Variants in DENND1A observed in about 807,000 individuals in gnomAD.
The protein encoded by DENND1A is DENN domain containing 1A.
A neutral mutation model predicts 113.7 loss-of-function variants in DENND1A; 51 were observed. The observed-to-expected ratio is 0.45, with a 90% CI of 0.36 to 0.57. The LOEUF (loss-of-function observed/expected upper bound fraction) is 0.57. DENND1A is among the 20% of genes least tolerant of loss of function. DENND1A has a pLI of 0.00. For missense variants in DENND1A, 1,258 were observed against 1,395.9 expected, an observed-to-expected ratio of 0.90 and a Z score of 1.57; for synonymous variants, 565 against 570.8, an observed-to-expected ratio of 0.99 and a Z score of 0.14.
At chr9:123,851,651 T>C (rs1219512912) in intron 2 of DENND1A, among the ~76,000 whole-genome samples, 1 of 152,130 alleles carries the variant, frequency 6.6e-6, no homozygotes, top group Non-Finnish European at 1.5e-5. Context: ...AAAACCAAAG[T>C]AGAAAAGGCG....
intron 3 of DENND1A, among the ~76,000 whole-genome samples, chr9:123,775,692 AT>A (rs1278611219): frequency 6.6e-6 from 1 of 152,148 alleles, no homozygotes; most frequent in African/African-American, 2.4e-5. Context: ...AAGTCCTTGA[AT>A]TTTTTAAACT....
rs2042305235 is a variant in DENND1A at position 123,382,107 on chromosome 9, G to A, written c.2538C>T (p.Leu846=). 2 of 1,564,658 alleles carry A rather than the reference G, an allele frequency of 1.3e-6. No homozygotes were observed. The highest frequency in any genetic ancestry group is 1.9e-5 in the Admixed American group (1 of 54,016). Residue 846 remains leucine, a synonymous_variant, in exon 24 of 24, where the codon CTC becomes CTT. Coordinates refer to ENST00000394215, the MANE Select transcript of DENND1A (RefSeq NM_001352964.2). The part of the protein sequence containing the change: ...AGTSSDALLA[L]LDPLSTAWSG... ...ACCAGGCTGTGCTGAGCGGGTCCAGGAGGGCGAGCAGGGCGTCACTGCTCG... is the reference window on the plus strand; with the variant it reads ...ACCAGGCTGTGCTGAGCGGGTCCAGAAGGGCGAGCAGGGCGTCACTGCTCG...
Position 123,499,003 on chromosome 9 carries a change from A to G in DENND1A, c.994-41106T>C, listed in dbSNP as rs1332305938. On this transcript the variant is annotated intron_variant, in intron 13 of 23. Coordinates refer to ENST00000394215, the MANE Select transcript of DENND1A (RefSeq NM_001352964.2). ...CTCCTAAAGTGCTGGGATTACAGGC[A>G]TGAGCCACTGTGCCCCGCCTTTTTA... Among the ~76,000 whole-genome samples the G allele has an allele frequency of 4.0e-5, 6 of 149,264 alleles. No homozygotes were observed. In the East Asian group the frequency reaches 6.0e-4, roughly 15 times the overall value.
intron 19 of DENND1A, among the ~76,000 whole-genome samples, chr9:123,431,207 G>T (rs2046108137): frequency 6.6e-6 from 1 of 152,100 alleles, no homozygotes; most frequent in Admixed American, 6.6e-5. Flanking sequence ...ACTGCCCTCT[G>T]GTACCTCCAG....
At chr9:123,691,050 C>G (rs77816537) in intron 5 of DENND1A, among the ~76,000 whole-genome samples, 372 of 152,294 alleles carry the variant, frequency 2.4e-3, no homozygotes, top group African/African-American at 8.6e-3. Flanking sequence ...CTCAGGAAGA[C>G]AGCAACCCTC....
chr9:123,929,408 G>A (rs954227787), intron 1 of DENND1A, among the ~76,000 whole-genome samples: 2 of 152,166 alleles, frequency 1.3e-5, no homozygotes, highest in African/African-American at 4.8e-5. Flanking sequence ...CACCTTAGGT[G>A]GCCACACCAT....
At chr9:123,522,815 G>A (rs764595356) in intron 13 of DENND1A, among the ~76,000 whole-genome samples, 3 of 152,140 alleles carry the variant, frequency 2.0e-5, no homozygotes, top group Admixed American at 1.3e-4. Context: ...AACATGAGAC[G>A]TCCCGGATGC....
intron 13 of DENND1A, among the ~76,000 whole-genome samples, chr9:123,480,658 C>T (rs1210237047): frequency 6.6e-6 from 1 of 152,112 alleles, no homozygotes; most frequent in African/African-American, 2.4e-5. Flanking sequence ...CTAAGCTTAC[C>T]TCTATCCTAT....
At chr9:123,890,699 G>GA (rs1235892325) in intron 1 of DENND1A, among the ~76,000 whole-genome samples, 1 of 152,152 alleles carries the variant, frequency 6.6e-6, no homozygotes, top group African/African-American at 2.4e-5. Context: ...TACAGATGAG[G>GA]AAACTGAAAT....
chr9:123,712,168 C>G (rs1413127706), intron 5 of DENND1A, among the ~76,000 whole-genome samples: 1 of 152,218 alleles, frequency 6.6e-6, no homozygotes, highest in Non-Finnish European at 1.5e-5. Flanking sequence ...CCAGCCTTTT[C>G]CACTAGTTGG....
intron 2 of DENND1A, among the ~76,000 whole-genome samples, chr9:123,805,020 G>T (rs964379629): frequency 6.6e-6 from 1 of 152,042 alleles, no homozygotes; most frequent in Non-Finnish European, 1.5e-5. Context: ...TGGTCTGCTT[G>T]CTGCTTCTCA....
At chr9:123,471,227 G>A (rs192721172) in intron 13 of DENND1A, among the ~76,000 whole-genome samples, 2 of 152,270 alleles carry the variant, frequency 1.3e-5, no homozygotes, top group East Asian at 3.9e-4. Context: ...TGGGAATGCA[G>A]GCTCTGCCAC....
chr9:123,812,851 T>C (rs1434745299), intron 2 of DENND1A, among the ~76,000 whole-genome samples: 1 of 152,162 alleles, frequency 6.6e-6, no homozygotes, highest in Non-Finnish European at 1.5e-5. Flanking sequence ...AATCTAATAA[T>C]TGTCTTTTTA....
chr9:123,710,103 A>G (rs2066481408), intron 5 of DENND1A, among the ~76,000 whole-genome samples: 2 of 152,220 alleles, frequency 1.3e-5, no homozygotes, highest in Admixed American at 1.3e-4. Context: ...CATCATGATG[A>G]CGTCCAAATT....
chr9:123,619,987 C>T (rs141798666), intron 10 of DENND1A, among the ~76,000 whole-genome samples: 7,719 of 151,774 alleles, frequency 0.051, 258 homozygotes, highest in Non-Finnish European at 0.077. Flanking sequence ...CCAAGGTGGG[C>T]GGATCATTTG....
intron 2 of DENND1A, among the ~76,000 whole-genome samples, chr9:123,847,282 G>A (rs1436036378): frequency 6.6e-6 from 1 of 151,740 alleles, no homozygotes; most frequent in Non-Finnish European, 1.5e-5. Context: ...AAACTGTAAA[G>A]GACAAAAAGA....
intron 5 of DENND1A, among the ~76,000 whole-genome samples, chr9:123,739,056 T>C (rs1037853743): frequency 6.6e-6 from 1 of 152,156 alleles, no homozygotes; most frequent in Non-Finnish European, 1.5e-5. Context: ...TTCATAGGGA[T>C]CTAGAATTTT....
chr9:123,640,722 G>C (rs2061984888), intron 9 of DENND1A, among the ~76,000 whole-genome samples: 1 of 152,186 alleles, frequency 6.6e-6, no homozygotes, highest in Non-Finnish European at 1.5e-5. Flanking sequence ...ATATCTGGAT[G>C]GTCACCGGAT....
At chr9:123,772,746 A>C (rs1829933402) in intron 3 of DENND1A, among the ~76,000 whole-genome samples, 1 of 152,220 alleles carries the variant, frequency 6.6e-6, no homozygotes, top group African/African-American at 2.4e-5. Flanking sequence ...GTAGCCAGTC[A>C]CCACAGTTAA....
Sources: allele counts gnomAD v4.1 joint callset (sites outside exome capture counted in the v4.1 genomes callset), GRCh38; gene constraint gnomAD v4.1.1; transcripts MANE v1.5; gene names NCBI Gene and HGNC (gene_info 2026-07-23, HGNC 2026-07-21).